CPQ: variants seen among roughly 807,000 people sequenced by gnomAD.
CPQ encodes the protein Ser-Met dipeptidase.
Under a neutral mutation model 45.7 loss-of-function variants are expected in CPQ, and 37 were observed. The ratio of observed to expected loss-of-function variants is 0.81; its 90% confidence interval spans 0.62 to 1.07. CPQ has a LOEUF of 1.07. Among genes scored for constraint, CPQ ranks in the 50% least tolerant of loss-of-function variants. The pLI is 0.00. For synonymous variants in CPQ, 186 were observed against 205.8 expected (o/e 0.90, Z 0.82); for missense variants, 537 against 572.9 (o/e 0.94, Z 0.64).
At chr8:97,123,066 A>AAAATAAAATAAAATAAATAAAAT (rs1554591604) in intron 7 of CPQ, among the ~76,000 whole-genome samples, 1 of 47,814 alleles carries the variant, frequency 2.1e-5, no homozygotes, top group East Asian at 6.8e-4. Flanking sequence ...ATAAAATAAA[A>AAAATAAAATAAAATAAATAAAAT]AAAATAAAAT....
chr8:96,710,887 C>T lies in CPQ; in HGVS notation c.-35+65485C>T, dbSNP rs148214709. Among the ~76,000 whole-genome samples, 292 of 151,502 alleles carry T rather than the reference C, an allele frequency of 1.9e-3. 2 individuals are homozygous for T. Among genetic ancestry groups the T allele is most frequent in the African/African-American group, 6.5e-3 (267 of 41,272 alleles). On this transcript the variant is annotated intron_variant, in intron 1 of 7. Coordinates refer to ENST00000220763, the MANE Select transcript of CPQ (RefSeq NM_016134.4). ...TTTTTTTTATAGTGTAGATTAAGTC[C>T]GGTGTTTCTTTGTTGACTTTCTGCC...
chr8:97,064,762 C>A (rs1237149988), intron 6 of CPQ, among the ~76,000 whole-genome samples: 3 of 152,076 alleles, frequency 2.0e-5, no homozygotes, highest in Non-Finnish European at 2.9e-5. Flanking sequence ...TATGCAATCC[C>A]CAAATTGTTA....
intron 4 of CPQ, among the ~76,000 whole-genome samples, chr8:96,924,430 C>A (rs1812846603): frequency 6.6e-6 from 1 of 152,182 alleles, no homozygotes; most frequent in African/African-American, 2.4e-5. Flanking sequence ...ATATTGTAAC[C>A]CAAAGCGCCA....
intron 1 of CPQ, among the ~76,000 whole-genome samples, chr8:96,659,477 G>A (rs1815674313): frequency 6.6e-6 from 1 of 152,182 alleles, no homozygotes; most frequent in South Asian, 2.1e-4. Flanking sequence ...CATGAGTGCT[G>A]ACTTCCGAGT....
At chr8:97,041,167 G>T (rs538790691) in intron 6 of CPQ, among the ~76,000 whole-genome samples, 305 of 152,088 alleles carry the variant, frequency 2.0e-3, no homozygotes, top group South Asian at 4.6e-3. Context: ...CATTGAGCAG[G>T]GGTTTGTAGT....
chr8:97,001,721 CTTTTTTTTTTT>C (rs61282246), intron 5 of CPQ, among the ~76,000 whole-genome samples: 7 of 92,092 alleles, frequency 7.6e-5, no homozygotes, highest in Non-Finnish European at 1.4e-4. Flanking sequence ...TTCTTTCTTT[CTTTTTTTTTTT>C]TTTTTTTTTT....
intron 1 of CPQ, among the ~76,000 whole-genome samples, chr8:96,659,819 T>C (rs1008550101): frequency 6.6e-6 from 1 of 152,216 alleles, no homozygotes; most frequent in Non-Finnish European, 1.5e-5. Flanking sequence ...CCAAGGGCTG[T>C]TGTGTCTATG....
chr8:96,953,733 C>T (rs1692807133), intron 4 of CPQ, among the ~76,000 whole-genome samples: 1 of 152,090 alleles, frequency 6.6e-6, no homozygotes, highest in South Asian at 2.1e-4. Context: ...TCTTTAAAAA[C>T]ATTTTCCCAT....
At chr8:97,105,370 C>CCAGGT (rs1297553321) in intron 7 of CPQ, among the ~76,000 whole-genome samples, 3 of 152,238 alleles carry the variant, frequency 2.0e-5, no homozygotes, top group African/African-American at 7.2e-5. Context: ...CAAGGTTTAT[C>CCAGGT]CAGGTTGTAG....
intron 6 of CPQ, among the ~76,000 whole-genome samples, chr8:97,044,775 A>T (rs1005855424): frequency 6.6e-6 from 1 of 152,222 alleles, no homozygotes; most frequent in Non-Finnish European, 1.5e-5. Context: ...CCTGGGTATC[A>T]GCAGCGGTGG....
intron 4 of CPQ, among the ~76,000 whole-genome samples, chr8:96,958,234 T>G (rs1367932152): frequency 1.3e-5 from 2 of 152,160 alleles, no homozygotes; most frequent in Non-Finnish European, 2.9e-5. Flanking sequence ...GTTTTAGCTG[T>G]GCACTGTACC....
At chr8:96,952,871 A>G (rs1394277944) in intron 4 of CPQ, among the ~76,000 whole-genome samples, 1 of 152,248 alleles carries the variant, frequency 6.6e-6, no homozygotes, top group Non-Finnish European at 1.5e-5. Context: ...AGGACACTAT[A>G]AAGTATGGAG....
intron 6 of CPQ, among the ~76,000 whole-genome samples, chr8:97,058,957 A>G (rs1444534105): frequency 6.6e-6 from 1 of 152,176 alleles, no homozygotes. Context: ...CAGATTTGCT[A>G]TATAATACAA....
chr8:96,852,295 A>C (rs1811780439), intron 3 of CPQ, among the ~76,000 whole-genome samples: 1 of 152,182 alleles, frequency 6.6e-6, no homozygotes, highest in South Asian at 2.1e-4. Flanking sequence ...TTCCTTCTTA[A>C]CTAAAAACAA....
chr8:96,951,011 T>C (rs1169164391), intron 4 of CPQ, among the ~76,000 whole-genome samples: 1 of 152,182 alleles, frequency 6.6e-6, no homozygotes, highest in African/African-American at 2.4e-5. Context: ...TACTGTATTG[T>C]GGTTTACTGA....
intron 2 of CPQ, among the ~76,000 whole-genome samples, chr8:96,813,053 T>C (rs1004827507): frequency 1.2e-4 from 18 of 152,262 alleles, no homozygotes; most frequent in African/African-American, 4.3e-4. Flanking sequence ...GTTTATCTCC[T>C]ACTCAGAAAC....
chr8:96,980,723 A>G (rs1203061390), intron 5 of CPQ, among the ~76,000 whole-genome samples: 1 of 152,116 alleles, frequency 6.6e-6, no homozygotes, highest in African/African-American at 2.4e-5. Context: ...GGCCCTCATA[A>G]TAAAGCCCAC....
At chr8:96,927,179 C>T (rs1032109783) in intron 4 of CPQ, among the ~76,000 whole-genome samples, 1 of 152,188 alleles carries the variant, frequency 6.6e-6, no homozygotes, top group African/African-American at 2.4e-5. Flanking sequence ...GCCCTGTGTT[C>T]CTTCTGAGGG....
At chr8:96,750,596 T>G (rs1043785238) in intron 1 of CPQ, among the ~76,000 whole-genome samples, 1 of 152,040 alleles carries the variant, frequency 6.6e-6, no homozygotes, top group African/African-American at 2.4e-5. Flanking sequence ...TTCTTTTTTT[T>G]TTTTTCCTGG....
Sources: gnomAD v4.1 joint callset for allele counts (sites outside exome capture counted in the v4.1 genomes callset) on GRCh38, gnomAD v4.1.1 for gene constraint, MANE v1.5 for transcripts, NCBI Gene and HGNC (gene_info 2026-07-23, HGNC 2026-07-21) for gene names.